PICALM: variants seen among roughly 807,000 people sequenced by gnomAD.
The protein encoded by PICALM is phosphatidylinositol binding clathrin assembly protein.
Under a neutral mutation model 80.5 loss-of-function variants are expected in PICALM, and 40 were observed. The observed-to-expected ratio is 0.50, with a 90% CI of 0.39 to 0.65. The LOEUF is 0.65. PICALM is among the 30% of genes least tolerant of loss of function. The probability of loss-of-function intolerance (pLI) is 0.00; values close to 1 mark genes in which losing one functional copy is unlikely to be tolerated. For synonymous variants in PICALM, 288 were observed against 260.3 expected, an observed-to-expected ratio of 1.11 and a Z score of -1.02; for missense variants, 676 against 778.9, an observed-to-expected ratio of 0.87 and a Z score of 1.57.
chr11:85,981,349 T>G (rs1159183564), intron 16 of PICALM, 121 bp from the exon 17 acceptor site: 4 of 631,938 alleles, frequency 6.3e-6, no homozygotes, highest in Non-Finnish European at 1.1e-5. Context: ...CTCATGCCTG[T>G]AATCCCAGCA....
In PICALM at chr11:86,052,487, T is replaced by C. The variant is rs559409464; in HGVS notation, c.130+16164A>G. ...CTTCAGATCAAAGTTAGGTTTACAT[T>C]ATTTCTGTTGAGAAGACTTCTTCAA... On this transcript the variant is annotated intron_variant, in intron 1 of 19. Coordinates refer to ENST00000393346, the MANE Select transcript of PICALM (RefSeq NM_007166.4). Among the ~76,000 whole-genome samples the C allele has an allele frequency of 1.2e-4, 18 of 152,356 alleles. 1 individual carries two copies. The highest frequency in any genetic ancestry group is 4.1e-4 in the African/African-American group (17 of 41,582).
Position 85,996,818 on chromosome 11 carries a change from A to G in PICALM, c.1258+8T>C, listed in dbSNP as rs369285269. On this transcript the variant is annotated splice_region_variant and intron_variant, in intron 12 of 19. Transcript: ENST00000393346. The stretch of plus-strand genomic sequence containing the variant: ...GTAACATCTAAAATAGAATTCATCA[A>G]TGCTTACCTCCCCATGTACTTGCTA... 1.1e-5 allele frequency: 17 copies of G among 1,504,220 alleles called. No individual in the cohort carries two copies. Among genetic ancestry groups the G allele is most frequent in the Non-Finnish European group, 1.5e-5 (16 of 1,080,854 alleles). 93.2% of individuals were successfully genotyped at this position (1,504,220 alleles called of 1,614,324 possible). A position where few individuals can be genotyped will look rare whatever the true frequency, so the allele number is the denominator to read the frequency against.
chr11:86,051,886 GT>G (rs1432250918), intron 1 of PICALM, among the ~76,000 whole-genome samples: 1 of 152,108 alleles, frequency 6.6e-6, no homozygotes, highest in East Asian at 1.9e-4. Context: ...TACTAATAGT[GT>G]TTTGGTTTAA....
In PICALM at chr11:85,957,887, C is replaced by T. The variant is rs1259062224; in HGVS notation, c.*1159G>A. 4.5e-6 allele frequency: 1 copy of T among 224,480 alleles called. No homozygotes were observed. The highest frequency in any genetic ancestry group is 2.2e-5 in the African/African-American group (1 of 44,804). The allele number at this position is 224,480 out of a possible 1,614,324, so 13.9% of individuals were successfully genotyped here. Reference sequence around the variant, plus strand: ...AGATGTATTTACACAAAGCACCGATCAACAGTGCAGTTTAATTCTTCGTTT... The same window carrying T: ...AGATGTATTTACACAAAGCACCGATTAACAGTGCAGTTTAATTCTTCGTTT... On this transcript the variant is annotated 3_prime_UTR_variant, in exon 20 of 20. Transcript: ENST00000393346.
At chr11:85,982,468 C>T (rs1446655402) in intron 14 of PICALM, among the ~76,000 whole-genome samples, 2 of 115,752 alleles carry the variant, frequency 1.7e-5, no homozygotes, top group African/African-American at 3.5e-5. Flanking sequence ...TCGCCCAGGT[C>T]GGACTGCGGA....
At chr11:86,035,198 C>G (rs888511569) in intron 1 of PICALM, among the ~76,000 whole-genome samples, 2 of 151,672 alleles carry the variant, frequency 1.3e-5, no homozygotes, top group African/African-American at 2.4e-5. Flanking sequence ...ATCTTACAGT[C>G]ATATTCCTAG....
intron 13 of PICALM, among the ~76,000 whole-genome samples, chr11:85,986,261 A>C (rs2094567075): frequency 6.6e-6 from 1 of 152,004 alleles, no homozygotes; most frequent in Non-Finnish European, 1.5e-5. Context: ...TTAAGTAATT[A>C]CTGCATGCCT....
At chr11:86,002,428 G>A (rs2095169273) in intron 9 of PICALM, among the ~76,000 whole-genome samples, 1 of 152,172 alleles carries the variant, frequency 6.6e-6, no homozygotes, top group Non-Finnish European at 1.5e-5. Flanking sequence ...AAGAAAACAT[G>A]AGAATAACTC....
chr11:86,001,604 G>A (rs966770986), intron 9 of PICALM, among the ~76,000 whole-genome samples: 1 of 152,172 alleles, frequency 6.6e-6, no homozygotes, highest in Non-Finnish European at 1.5e-5. Context: ...CCAGTAACAC[G>A]TAACGTAAGT....
intron 17 of PICALM, among the ~76,000 whole-genome samples, chr11:85,978,994 G>T (rs2094359948): frequency 2.6e-5 from 4 of 151,978 alleles, no homozygotes; most frequent in Admixed American, 1.3e-4. Flanking sequence ...TGTTATAGTG[G>T]GAAGAAGACT....
intron 19 of PICALM, among the ~76,000 whole-genome samples, chr11:85,959,938 T>C (rs1333278099): frequency 6.6e-6 from 1 of 152,060 alleles, no homozygotes; most frequent in Non-Finnish European, 1.5e-5. Context: ...AGAAAGAAGA[T>C]CAATGACCTA....
chr11:86,035,958 A>AAG (rs1054645177), intron 1 of PICALM, among the ~76,000 whole-genome samples: 1 of 150,468 alleles, frequency 6.6e-6, no homozygotes. Context: ...AAAAAAAAAA[A>AAG]AAAAAAAGAA....
chr11:85,979,348 G>A (rs1471490838), intron 17 of PICALM, among the ~76,000 whole-genome samples: 1 of 151,932 alleles, frequency 6.6e-6, no homozygotes, highest in Non-Finnish European at 1.5e-5. Context: ...AAATTAGCTG[G>A]ACCTGGTGGT....
intron 18 of PICALM, 36 bp from the exon 19 acceptor site, chr11:85,974,848 C>T (rs1242341484): frequency 7.5e-7 from 1 of 1,333,646 alleles, no homozygotes; most frequent in Admixed American, 1.7e-5. Context: ...ATACTGACTC[C>T]TATCTTCCTT....
chr11:85,966,352 G>T (rs113681350), intron 19 of PICALM, among the ~76,000 whole-genome samples: 1 of 152,156 alleles, frequency 6.6e-6, no homozygotes, highest in African/African-American at 2.4e-5. Flanking sequence ...TATCACAGGT[G>T]TGAGCCACTG....
intron 8 of PICALM, among the ~76,000 whole-genome samples, chr11:86,004,255 G>T (rs571666324): frequency 6.6e-6 from 1 of 152,188 alleles, no homozygotes; most frequent in South Asian, 2.1e-4. Flanking sequence ...TTAATTAATG[G>T]TATATTCAAC....
chr11:86,018,932 C>T (rs1258872692), intron 4 of PICALM, among the ~76,000 whole-genome samples: 1 of 151,068 alleles, frequency 6.6e-6, no homozygotes, highest in Non-Finnish European at 1.5e-5. Flanking sequence ...TGTGTACAGA[C>T]ATTGAAAATG....
intron 1 of PICALM, among the ~76,000 whole-genome samples, chr11:86,062,245 A>G (rs752614308): frequency 5.3e-5 from 8 of 152,198 alleles, no homozygotes; most frequent in Non-Finnish European, 1.2e-4. Flanking sequence ...GGCCGGGCGC[A>G]GTGGCTCACG....
chr11:85,991,288 A>G (rs2094768666), intron 12 of PICALM, among the ~76,000 whole-genome samples: 1 of 152,190 alleles, frequency 6.6e-6, no homozygotes, highest in Admixed American at 6.5e-5. Context: ...TTAAAATAAG[A>G]GGATACTCCT....
Sources: gnomAD v4.1 joint callset for allele counts (sites outside exome capture counted in the v4.1 genomes callset) on GRCh38, gnomAD v4.1.1 for gene constraint, MANE v1.5 for transcripts, NCBI Gene and HGNC (gene_info 2026-07-23, HGNC 2026-07-21) for gene names.